The following GRHL2 variants were observed in gnomAD, a reference collection of about 807,000 sequenced individuals.
GRHL2 encodes grainyhead like transcription factor 2, also known as grainyhead-like protein 2 homolog.
GRHL2 carries 21 observed loss-of-function variants against 83.8 expected under a neutral mutation model. That is an observed-to-expected ratio of 0.25 (90% confidence interval 0.18 to 0.36). The LOEUF (loss-of-function observed/expected upper bound fraction) is 0.36. Among genes scored for constraint, GRHL2 ranks in the 10% least tolerant of loss-of-function variants. The pLI, the probability that GRHL2 is intolerant of heterozygous loss-of-function variation, is 1.00. For missense variants in GRHL2, 623 were observed against 781.8 expected (o/e 0.80, Z 2.42); for synonymous variants, 280 against 278.9 (o/e 1.00, Z -0.04).
At chr8:101,673,597 T>A (rs1174745477), downstream of GRHL2, among the ~76,000 whole-genome samples, 1 of 150,986 alleles carries the variant, frequency 6.6e-6, no homozygotes, top group East Asian at 1.9e-4. Context: ...ACAAAGAGAC[T>A]TCGACTCCCA....
At chr8:101,624,722 C>T (rs915556418) in intron 9 of GRHL2, among the ~76,000 whole-genome samples, 3 of 152,104 alleles carry the variant, frequency 2.0e-5, no homozygotes, top group African/African-American at 7.2e-5. Context: ...GTTTCCAAGA[C>T]AGTAGAGAAG....
chr8:101,526,525 CTTTTTTTT>C (rs33928032), intron 1 of GRHL2, among the ~76,000 whole-genome samples: 1 of 109,658 alleles, frequency 9.1e-6, no homozygotes. Context: ...TCTTTTTTTC[CTTTTTTTT>C]TTTTTTTTTT....
intron 7 of GRHL2, among the ~76,000 whole-genome samples, chr8:101,597,472 C>T (rs1191637262): frequency 6.6e-6 from 1 of 152,094 alleles, no homozygotes; most frequent in Non-Finnish European, 1.5e-5. Context: ...AAATGTGGCA[C>T]ATATACACCA....
intron 1 of GRHL2, among the ~76,000 whole-genome samples, chr8:101,524,431 T>C (rs941709510): frequency 2.0e-5 from 3 of 152,200 alleles, no homozygotes; most frequent in Non-Finnish European, 4.4e-5. Context: ...GCTTAGCTCT[T>C]TAACTTTTTA....
chr8:101,675,302 A>G, the GRHL2 span, among the ~76,000 whole-genome samples: 1 of 152,158 alleles, frequency 6.6e-6, no homozygotes, highest in East Asian at 1.9e-4. Context: ...TTGTATATCT[A>G]GAAAACCCCA....
intron 1 of GRHL2, among the ~76,000 whole-genome samples, chr8:101,531,452 T>C (rs1810927762): frequency 1.3e-5 from 2 of 152,136 alleles, no homozygotes; most frequent in Admixed American, 1.3e-4. Flanking sequence ...GGATGCTCAA[T>C]AAGTAGTATG....
chr8:101,550,190 T>TAAA (rs1491102985), intron 2 of GRHL2, among the ~76,000 whole-genome samples: 3,911 of 150,002 alleles, frequency 0.026, 92 homozygotes, highest in Admixed American at 0.077. Flanking sequence ...TTTTTTTTTT[T>TAAA]AAAAAAATTA....
At chr8:101,541,088 T>C (rs949958279) in intron 1 of GRHL2, among the ~76,000 whole-genome samples, 19 of 152,098 alleles carry the variant, frequency 1.2e-4, no homozygotes, top group Non-Finnish European at 2.5e-4. Context: ...TCCAGTTCCG[T>C]CACTGTTGCT....
At chr8:101,542,365 C>G (rs1395502643) in intron 1 of GRHL2, among the ~76,000 whole-genome samples, 1 of 151,872 alleles carries the variant, frequency 6.6e-6, no homozygotes, top group South Asian at 2.1e-4. Flanking sequence ...CACCTGAGGT[C>G]AGGAGTTTGA....
the GRHL2 span, among the ~76,000 whole-genome samples, chr8:101,677,303 A>G: frequency 6.6e-6 from 1 of 152,036 alleles, no homozygotes; most frequent in South Asian, 2.1e-4. Flanking sequence ...ACCACTGAGG[A>G]AAGAACTTGA....
rs1812779483 is a variant in GRHL2, at chr8:101,612,790, T to C, written c.1099-6749T>C. Among the ~76,000 whole-genome samples, 5 of 151,004 alleles carry C rather than the reference T, an allele frequency of 3.3e-5. No homozygotes were observed. In the South Asian group the frequency reaches 1.0e-3, roughly 31 times the overall value. Reference sequence around the variant, plus strand: ...AGTAGTTGGACAAATATTTGTTGACTGTCTACCATGGGCCTAGTACTGGGA... The same window carrying C: ...AGTAGTTGGACAAATATTTGTTGACCGTCTACCATGGGCCTAGTACTGGGA... On this transcript the variant is annotated intron_variant, in intron 8 of 15. Transcript: ENST00000646743.
chr8:101,521,358 A>C (rs1168887221), intron 1 of GRHL2, among the ~76,000 whole-genome samples: 1 of 152,208 alleles, frequency 6.6e-6, no homozygotes, highest in Admixed American at 6.5e-5. Context: ...TGGTCTCCAC[A>C]CAAATGTGGT....
chr8:101,657,352 G>A (rs1191269936), intron 14 of GRHL2, among the ~76,000 whole-genome samples: 1 of 152,144 alleles, frequency 6.6e-6, no homozygotes, highest in Admixed American at 6.5e-5. Flanking sequence ...TTTGGGCAAA[G>A]AGAACTTTCC....
chr8:101,614,621 A>T (rs574673757), intron 8 of GRHL2, among the ~76,000 whole-genome samples: 1 of 152,296 alleles, frequency 6.6e-6, no homozygotes, highest in East Asian at 1.9e-4. Context: ...CTTTTCCTTA[A>T]GCCCCTCTAA....
chr8:101,601,223 A>G (rs985622824), intron 8 of GRHL2, among the ~76,000 whole-genome samples: 2 of 152,018 alleles, frequency 1.3e-5, no homozygotes, highest in Non-Finnish European at 2.9e-5. Flanking sequence ...CACCAACAAC[A>G]ACAACAAAAC....
At chr8:101,611,390 C>T (rs1812746545) in intron 8 of GRHL2, among the ~76,000 whole-genome samples, 1 of 150,782 alleles carries the variant, frequency 6.6e-6, no homozygotes, top group Non-Finnish European at 1.5e-5. Flanking sequence ...TCTTGACTCC[C>T]ACAGCCACTC....
At chr8:101,651,850 G>C (rs1268553737) in intron 14 of GRHL2, among the ~76,000 whole-genome samples, 2 of 152,168 alleles carry the variant, frequency 1.3e-5, no homozygotes, top group African/African-American at 2.4e-5. Flanking sequence ...TGTCTAAAAA[G>C]AAAAGGTTTC....
At chr8:101,613,431 G>T (rs1586144636) in intron 8 of GRHL2, among the ~76,000 whole-genome samples, 1 of 150,962 alleles carries the variant, frequency 6.6e-6, no homozygotes, top group East Asian at 1.9e-4. Flanking sequence ...CTGGGGGCGG[G>T]TAGTCTGTCT....
chr8:101,638,708 C>G (rs934560638), intron 12 of GRHL2, among the ~76,000 whole-genome samples: 1 of 152,236 alleles, frequency 6.6e-6, no homozygotes, highest in Non-Finnish European at 1.5e-5. Context: ...TCTAAATTTT[C>G]TAAATGCCTA....
Sources: gnomAD v4.1 joint callset for allele counts (sites outside exome capture counted in the v4.1 genomes callset) on GRCh38, gnomAD v4.1.1 for gene constraint, MANE v1.5 for transcripts, NCBI Gene and HGNC (gene_info 2026-07-23, HGNC 2026-07-21) for gene names.